Variants in CTTNBP2NL observed in about 807,000 individuals in gnomAD.
CTTNBP2NL encodes CTTNBP2 N-terminal like.
In CTTNBP2NL, 16 loss-of-function variants were observed where a neutral mutation model predicts 32.5. The ratio of observed to expected loss-of-function variants is 0.49; its 90% CI spans 0.33 to 0.75. The LOEUF (loss-of-function observed/expected upper bound fraction) is 0.75, where lower values mean the gene tolerates loss of function less well. Among genes scored for constraint, CTTNBP2NL ranks in the 30% least tolerant of loss-of-function variants. CTTNBP2NL has a pLI of 0.02. For missense variants in CTTNBP2NL, 645 were observed against 756.0 expected, an observed-to-expected ratio of 0.85 and a Z score of 1.72; for synonymous variants, 298 against 289.4, an observed-to-expected ratio of 1.03 and a Z score of -0.30.
chr1:112,457,239 C>A lies in CTTNBP2NL; in HGVS notation c.1747C>A (p.Pro583Thr), dbSNP rs761631588. 3 of 1,614,050 alleles carry A rather than the reference C, an allele frequency of 1.9e-6. No individual in the cohort carries two copies. ...RAERGNPPPIPPKKPGLTPSP... is the reference protein window; with the variant it reads ...RAERGNPPPITPKKPGLTPSP... ...TGAGAGAGGAAACCCTCCACCCATCCCACCCAAGAAACCTGGCCTCACCCC... is the reference window on the plus strand; with the variant it reads ...TGAGAGAGGAAACCCTCCACCCATCACACCCAAGAAACCTGGCCTCACCCC... The change falls in exon 6 of 6, where the codon CCA becomes ACA. Residue 583 changes from proline to threonine, a missense_variant. By Grantham distance (38) the Pro-to-Thr change is conservative. Transcript: ENST00000271277.
intron 4 of CTTNBP2NL, among the ~76,000 whole-genome samples, chr1:112,450,954 C>G (rs1186542128): frequency 6.6e-6 from 1 of 152,000 alleles, no homozygotes; most frequent in Non-Finnish European, 1.5e-5. Context: ...CTCATAGTCT[C>G]AGCTTATGCC....
chr1:112,434,059 T>C (rs1170546433), intron 3 of CTTNBP2NL, among the ~76,000 whole-genome samples: 1 of 152,230 alleles, frequency 6.6e-6, no homozygotes, highest in African/African-American at 2.4e-5. Context: ...TGCACAGTGG[T>C]ACATAGAATA....
chr1:112,418,901 C>T (rs1422535985), intron 3 of CTTNBP2NL, among the ~76,000 whole-genome samples: 1 of 152,066 alleles, frequency 6.6e-6, no homozygotes, highest in Non-Finnish European at 1.5e-5. Context: ...TATTCCACAT[C>T]GGGTATATTA....
intron 3 of CTTNBP2NL, among the ~76,000 whole-genome samples, chr1:112,430,842 C>G (rs1196296640): frequency 6.6e-6 from 1 of 152,190 alleles, no homozygotes; most frequent in Non-Finnish European, 1.5e-5. Flanking sequence ...CTCTGCCTCC[C>G]AAAGTGCTGG....
At chr1:112,433,654 C>T (rs892606816) in intron 3 of CTTNBP2NL, among the ~76,000 whole-genome samples, 2 of 152,166 alleles carry the variant, frequency 1.3e-5, no homozygotes, top group African/African-American at 2.4e-5. Context: ...CTCCCATTCC[C>T]TTCTTGGTCT....
At chr1:112,398,702 T>C (rs942037887) in intron 1 of CTTNBP2NL, among the ~76,000 whole-genome samples, 2 of 151,802 alleles carry the variant, frequency 1.3e-5, no homozygotes, top group Non-Finnish European at 2.9e-5. Context: ...TCCTTGCTAC[T>C]TGGGAGGCTG....
intron 1 of CTTNBP2NL, among the ~76,000 whole-genome samples, chr1:112,411,427 A>G (rs773876367): frequency 6.6e-6 from 1 of 152,242 alleles, no homozygotes; most frequent in Non-Finnish European, 1.5e-5. Flanking sequence ...TTTAACATTT[A>G]ACATCTGATC....
intron 3 of CTTNBP2NL, among the ~76,000 whole-genome samples, chr1:112,438,605 A>C (rs1027074709): frequency 5.3e-5 from 8 of 151,978 alleles, no homozygotes; most frequent in African/African-American, 1.5e-4. Flanking sequence ...TTCCAATAGG[A>C]GTGGTGAGAG....
intron 1 of CTTNBP2NL, among the ~76,000 whole-genome samples, chr1:112,410,720 C>T (rs1363392935): frequency 6.6e-6 from 1 of 152,134 alleles, no homozygotes; most frequent in Non-Finnish European, 1.5e-5. Context: ...TGATCTTGCT[C>T]TTCGGAGTTA....
chr1:112,442,812 TC>T (rs1649934710), intron 3 of CTTNBP2NL, among the ~76,000 whole-genome samples: 1 of 152,100 alleles, frequency 6.6e-6, no homozygotes, highest in South Asian at 2.1e-4. Flanking sequence ...TGCCTCAGCC[TC>T]CCAAGTAGCT....
intron 3 of CTTNBP2NL, among the ~76,000 whole-genome samples, chr1:112,445,542 T>C (rs1650013938): frequency 2.0e-5 from 3 of 152,214 alleles, no homozygotes; most frequent in Non-Finnish European, 4.4e-5. Context: ...TTCCTATATT[T>C]GACCCCATAT....
intron 1 of CTTNBP2NL, among the ~76,000 whole-genome samples, chr1:112,410,069 G>A (rs1648806856): frequency 6.6e-6 from 1 of 152,150 alleles, no homozygotes; most frequent in Non-Finnish European, 1.5e-5. Context: ...TGCTGGGCAG[G>A]CTCATTTGAA....
intron 3 of CTTNBP2NL, among the ~76,000 whole-genome samples, chr1:112,421,637 A>C (rs1289796987): frequency 6.6e-6 from 1 of 150,762 alleles, no homozygotes; most frequent in East Asian, 1.9e-4. Flanking sequence ...AAAAAGGAGA[A>C]GAAGAAAGAA....
At position 112,413,006 on chromosome 1, in the gene CTTNBP2NL, ATTC is replaced by A. The variant is rs1648927824; in HGVS notation, c.-10+695_-10+697del. 2.6e-5 allele frequency among the ~76,000 whole-genome samples: 4 copies of A among 152,262 alleles called. No individual in the cohort carries two copies. The South Asian group carries it at 8.3e-4, about 32-fold the overall frequency. ...TTATAAACACAGAGATAATAAAAGA[ATTC>A]TTCTTTGTCATTGACAAGGAATAGA... On this transcript the variant is annotated intron_variant, in intron 2 of 5. Coordinates refer to ENST00000271277, the MANE Select transcript of CTTNBP2NL (RefSeq NM_018704.3).
At chr1:112,417,999 G>C (rs1649115065) in intron 3 of CTTNBP2NL, among the ~76,000 whole-genome samples, 1 of 152,022 alleles carries the variant, frequency 6.6e-6, no homozygotes, top group South Asian at 2.1e-4. Context: ...TTGATGCTTA[G>C]TCGGTTGAAA....
At chr1:112,406,342 C>T (rs1648665439) in intron 1 of CTTNBP2NL, among the ~76,000 whole-genome samples, 1 of 152,190 alleles carries the variant, frequency 6.6e-6, no homozygotes, top group African/African-American at 2.4e-5. Context: ...GGTTTTTCCA[C>T]CATACAATTC....
Position 112,401,510 on chromosome 1 carries a change from C to G in CTTNBP2NL, c.-134+5238C>G, listed in dbSNP as rs74110083. Among the ~76,000 whole-genome samples the G allele has an allele frequency of 3.9e-3, 590 of 152,254 alleles. 5 individuals carry two copies. The highest frequency in any genetic ancestry group is 0.013 in the African/African-American group (555 of 41,536). ...AATGGTTTTGTAGATACTGTGATTA[C>G]CGTGCAGAGTTATACCTTCTGTGAA... On this transcript the variant is annotated intron_variant, in intron 1 of 5. Coordinates refer to ENST00000271277, the MANE Select transcript of CTTNBP2NL (RefSeq NM_018704.3).
intron 3 of CTTNBP2NL, among the ~76,000 whole-genome samples, chr1:112,419,296 G>C (rs1450937341): frequency 1.3e-5 from 2 of 152,086 alleles, no homozygotes; most frequent in Non-Finnish European, 2.9e-5. Context: ...TAACTGTTGT[G>C]AGTTTTTTCA....
chr1:112,424,155 AG>A, intron 3 of CTTNBP2NL, among the ~76,000 whole-genome samples: 1 of 152,226 alleles, frequency 6.6e-6, no homozygotes, highest in East Asian at 1.9e-4. Context: ...TAAGTCTCAT[AG>A]TTTTAAGTTT....
Sources: gnomAD v4.1 joint callset for allele counts (sites outside exome capture counted in the v4.1 genomes callset) on GRCh38, gnomAD v4.1.1 for gene constraint, MANE v1.5 for transcripts, NCBI Gene and HGNC (gene_info 2026-07-23, HGNC 2026-07-21) for gene names.